The following CFAP299 variants were observed in gnomAD, a reference collection of about 807,000 sequenced individuals.
CFAP299 encodes cilia and flagella associated protein 299, also known as cilia- and flagella-associated protein 299.
A neutral mutation model predicts 27.0 loss-of-function variants in CFAP299; 21 were observed. That is an observed-to-expected ratio of 0.78 (90% CI 0.55 to 1.12). The LOEUF (loss-of-function observed/expected upper bound fraction) is 1.12. Among genes scored for constraint, CFAP299 ranks in the 50% most tolerant of loss-of-function variants. The pLI, the probability that CFAP299 is intolerant of heterozygous loss-of-function variation, is 0.00. For missense variants in CFAP299, 310 were observed against 276.6 expected (o/e 1.12, Z -0.86); for synonymous variants, 104 against 98.1 (o/e 1.06, Z -0.36).
chr4:80,488,378 A>G (rs78652511), intron 2 of CFAP299, among the ~76,000 whole-genome samples: 5,805 of 152,218 alleles, frequency 0.038, 382 homozygotes, highest in African/African-American at 0.13. Flanking sequence ...CATCAACTTA[A>G]TTTATTCATT....
intron 3 of CFAP299, among the ~76,000 whole-genome samples, chr4:80,819,523 T>C (rs1729592441): frequency 6.6e-6 from 1 of 152,130 alleles, no homozygotes; most frequent in South Asian, 2.1e-4. Context: ...CAAAATTAAC[T>C]TGATTTCTAG....
chr4:80,549,849 A>G (rs1264323998), intron 2 of CFAP299, among the ~76,000 whole-genome samples: 1 of 152,106 alleles, frequency 6.6e-6, no homozygotes, highest in Admixed American at 6.6e-5. Flanking sequence ...TTTTTGATAC[A>G]TACATTAAAC....
chr4:80,343,649 C>T (rs1008372238), intron 1 of CFAP299, among the ~76,000 whole-genome samples: 8 of 151,684 alleles, frequency 5.3e-5, no homozygotes, highest in Admixed American at 1.3e-4. Context: ...ATTAGCCAGG[C>T]GCGGTGGCGG....
chr4:80,723,115 T>C (rs1171041939), intron 3 of CFAP299, among the ~76,000 whole-genome samples: 1 of 152,136 alleles, frequency 6.6e-6, no homozygotes, highest in African/African-American at 2.4e-5. Flanking sequence ...TTGGCAAGGA[T>C]GTGGAAGACC....
intron 1 of CFAP299, among the ~76,000 whole-genome samples, chr4:80,341,374 C>T (rs574195879): frequency 6.6e-6 from 1 of 152,304 alleles, no homozygotes; most frequent in East Asian, 1.9e-4. Context: ...TTGATCCCAT[C>T]CTTCCTGACT....
chr4:80,393,780 A>G (rs550224809), intron 2 of CFAP299, among the ~76,000 whole-genome samples: 50 of 152,272 alleles, frequency 3.3e-4, no homozygotes, highest in African/African-American at 1.2e-3. Context: ...TATTCCTGTT[A>G]TTAAGTAATG....
intron 3 of CFAP299, among the ~76,000 whole-genome samples, chr4:80,816,392 A>G (rs1256426886): frequency 2.0e-5 from 3 of 152,162 alleles, no homozygotes; most frequent in Non-Finnish European, 4.4e-5. Flanking sequence ...TCCCTTTAAT[A>G]TAGAAAATGA....
chr4:80,898,193 A>T (rs2110192566), intron 4 of CFAP299, among the ~76,000 whole-genome samples: 1 of 152,254 alleles, frequency 6.6e-6, no homozygotes, highest in Middle Eastern at 3.4e-3. Flanking sequence ...AAGAAAAATG[A>T]GGTCACATGA....
intron 3 of CFAP299, among the ~76,000 whole-genome samples, chr4:80,685,563 A>C (rs182093431): frequency 1.4e-5 from 2 of 143,272 alleles, no homozygotes; most frequent in East Asian, 4.1e-4. Flanking sequence ...GCAGGTGCTA[A>C]TTTAGACCAT....
intron 2 of CFAP299, among the ~76,000 whole-genome samples, chr4:80,431,787 C>T (rs1334700661): frequency 6.6e-6 from 1 of 152,156 alleles, no homozygotes; most frequent in East Asian, 1.9e-4. Context: ...AGCTCAGTAG[C>T]CATTGAATGC....
chr4:80,795,723 T>C (rs534236746), intron 3 of CFAP299, among the ~76,000 whole-genome samples: 107 of 152,292 alleles, frequency 7.0e-4, no homozygotes, highest in Non-Finnish European at 1.4e-3. Context: ...TTATGTCTAG[T>C]TGAGTCAGAA....
intron 4 of CFAP299, among the ~76,000 whole-genome samples, chr4:80,895,983 T>G (rs1366035464): frequency 6.6e-6 from 1 of 152,152 alleles, no homozygotes; most frequent in Non-Finnish European, 1.5e-5. Context: ...ATTGTAAATA[T>G]AACTTCTTTC....
At chr4:80,689,198 A>C (rs957316538) in intron 3 of CFAP299, among the ~76,000 whole-genome samples, 1 of 152,172 alleles carries the variant, frequency 6.6e-6, no homozygotes, top group African/African-American at 2.4e-5. Context: ...AGAACTCCAC[A>C]AAGATACTCC....
chr4:80,864,546 G>GTA lies in CFAP299; in HGVS notation c.334-5436_334-5435dup, dbSNP rs578121857. Among the ~76,000 whole-genome samples the GTA allele has an allele frequency of 2.6e-3, 372 of 144,406 alleles. 4 individuals carry two copies. Among genetic ancestry groups the GTA allele is most frequent in the Non-Finnish European group, 4.5e-3 (300 of 66,156 alleles). 94.7% of individuals were successfully genotyped at this position (144,406 alleles called of 152,430 possible). On this transcript the variant is annotated intron_variant, in intron 3 of 5. Coordinates refer to ENST00000358105, the MANE Select transcript of CFAP299 (RefSeq NM_152770.3). ...TATATATACATATACGTATATATAGGTATATATATATAATAACTAAAACGT... is the reference window on the plus strand; with the variant it reads ...TATATATACATATACGTATATATAGGTATATATATATATAATAACTAAAACGT...
rs536663023 is a variant in CFAP299, at chr4:80,857,634, A to C, written c.334-12359A>C. On this transcript the variant is annotated intron_variant, in intron 3 of 5. Transcript: ENST00000358105. ...GCATGAAGCGTTGTTGAATTTTGTC[A>C]AAGGCCTTTTCTGCATCTATTGAGA... 1.9e-3 allele frequency among the ~76,000 whole-genome samples: 287 copies of C among 152,270 alleles called. 1 individual carries two copies. The highest frequency in any genetic ancestry group is 2.6e-3 in the Non-Finnish European group (177 of 68,032).
chr4:80,327,277 C>T, the CFAP299 span, among the ~76,000 whole-genome samples: 7 of 151,912 alleles, frequency 4.6e-5, no homozygotes, highest in African/African-American at 1.5e-4. Flanking sequence ...GAAAACATGA[C>T]CAAGCATAAT....
intron 2 of CFAP299, among the ~76,000 whole-genome samples, chr4:80,448,693 A>G (rs753784157): frequency 4.2e-5 from 3 of 72,270 alleles, no homozygotes; most frequent in Non-Finnish European, 9.4e-5. Flanking sequence ...GGTGTTAGTG[A>G]CATTGAACAT....
intron 2 of CFAP299, among the ~76,000 whole-genome samples, chr4:80,434,147 G>T (rs978913258): frequency 6.6e-6 from 1 of 152,094 alleles, no homozygotes; most frequent in Non-Finnish European, 1.5e-5. Flanking sequence ...AGAGCAGCAG[G>T]TGTTGTTAAA....
rs1322603626 is a variant in CFAP299 at position 80,922,993 on chromosome 4, C to T, written c.477-21817C>T. 8.6e-5 allele frequency among the ~76,000 whole-genome samples: 13 copies of T among 151,880 alleles called. No homozygotes were observed. In the East Asian group the frequency reaches 2.3e-3, roughly 27 times the overall value. ...CAGCTATTGGGCAAAATTGTGTTCA[C>T]TGTAGGTCAATATGTGCTATGTAAT... On this transcript the variant is annotated intron_variant, in intron 4 of 5. Transcript: ENST00000358105.
Sources: allele counts gnomAD v4.1 joint callset (sites outside exome capture counted in the v4.1 genomes callset), GRCh38; gene constraint gnomAD v4.1.1; transcripts MANE v1.5; gene names NCBI Gene and HGNC (gene_info 2026-07-23, HGNC 2026-07-21).